Variants in SH3KBP1 observed in about 807,000 individuals in gnomAD.
SH3KBP1 encodes the protein SH3 domain-containing kinase-binding protein 1.
Under a neutral mutation model 50.1 loss-of-function variants are expected in SH3KBP1, and 8 were observed. The ratio of observed to expected loss-of-function variants is 0.16; its 90% CI spans 0.09 to 0.29. The LOEUF (loss-of-function observed/expected upper bound fraction) is 0.29. SH3KBP1 is among the 10% of genes least tolerant of loss of function. The pLI is 1.00. For missense variants in SH3KBP1, 377 were observed against 535.2 expected, an observed-to-expected ratio of 0.70 and a Z score of 2.92; for synonymous variants, 227 against 218.6, an observed-to-expected ratio of 1.04 and a Z score of -0.34.
intron 1 of SH3KBP1, among the ~76,000 whole-genome samples, chrX:19,856,951 C>CTTTTTTTTTTTTTTTTTTTTTT (rs758486199): frequency 5.0e-5 from 1 of 20,040 alleles, no homozygotes; most frequent in African/African-American, 1.3e-4. Context: ...TAATACTAGT[C>CTTTTTTTTTTTTTTTTTTTTTT]TTTTTTTTTT....
intron 3 of SH3KBP1, among the ~76,000 whole-genome samples, chrX:19,723,948 C>T (rs1413091965): frequency 9.0e-6 from 1 of 111,441 alleles, no homozygotes; most frequent in Non-Finnish European, 1.9e-5. Flanking sequence ...CCCCACCAAA[C>T]AAACAGGTTA....
chrX:19,672,851 G>A (rs2062831218), intron 6 of SH3KBP1, among the ~76,000 whole-genome samples: 1 of 109,955 alleles, frequency 9.1e-6, no homozygotes, highest in Non-Finnish European at 1.9e-5. Flanking sequence ...GAGGTCAGGA[G>A]TTCAAGACCA....
At chrX:19,695,833 G>A in intron 4 of SH3KBP1, 92 bp from the exon 5 acceptor site, 2 of 868,277 alleles carry the variant, frequency 2.3e-6, no homozygotes, top group South Asian at 2.4e-5. Flanking sequence ...AGTGTAGCAT[G>A]CAGAGCCCAC....
In SH3KBP1 at chrX:19,810,763, A is replaced by T. The variant is rs372865637; in HGVS notation, c.162+25362T>A. ...ATAAAAGGATGAGTTAAATTGAATT[A>T]AAAAAAATCAGAGGCTAAAAAAGGA... On this transcript the variant is annotated intron_variant, in intron 2 of 17. Transcript: ENST00000397821. Among the ~76,000 whole-genome samples the T allele has an allele frequency of 8.0e-5, 9 of 111,910 alleles. No individual in the cohort carries two copies. The South Asian group carries it at 1.8e-3, about 23-fold the overall frequency.
chrX:19,844,098 A>G (rs2068299200), intron 1 of SH3KBP1, among the ~76,000 whole-genome samples: 1 of 111,687 alleles, frequency 9.0e-6, no homozygotes, highest in Non-Finnish European at 1.9e-5. Flanking sequence ...GATCTGTGGC[A>G]AGGGTGAGAC....
chrX:19,586,301 A>G (rs2066564157), intron 12 of SH3KBP1, among the ~76,000 whole-genome samples: 1 of 111,760 alleles, frequency 8.9e-6, no homozygotes, highest in Admixed American at 9.5e-5. Context: ...CTTCAATCAG[A>G]TTGTTAGAAA....
chrX:19,690,449 T>C lies in SH3KBP1; in HGVS notation c.520+5163A>G, dbSNP rs771786175. Among the ~76,000 whole-genome samples, 13 of 111,682 alleles carry C rather than the reference T, an allele frequency of 1.2e-4. No homozygotes were observed. The East Asian group carries it at 3.6e-3, about 31-fold the overall frequency. ...GGAATTAGGAAAATGAGAAATTCAA[T>C]AACAACAGAAAACTCATGGTTATTA... On this transcript the variant is annotated intron_variant, in intron 5 of 17. Coordinates refer to ENST00000397821, the MANE Select transcript of SH3KBP1 (RefSeq NM_031892.3).
intron 13 of SH3KBP1, among the ~76,000 whole-genome samples, chrX:19,559,397 G>A (rs1216719112): frequency 9.9e-6 from 1 of 100,741 alleles, no homozygotes; most frequent in African/African-American, 3.7e-5. Flanking sequence ...CACGATCTTG[G>A]CTCACTGCAA....
chrX:19,871,884 G>A (rs1306208738), intron 1 of SH3KBP1, among the ~76,000 whole-genome samples: 1 of 111,091 alleles, frequency 9.0e-6, no homozygotes, highest in African/African-American at 3.3e-5. Flanking sequence ...AAGTCACATG[G>A]ATGGCTCAGG....
intron 3 of SH3KBP1, among the ~76,000 whole-genome samples, chrX:19,708,484 C>T (rs937115386): frequency 9.0e-6 from 1 of 111,540 alleles, no homozygotes; most frequent in Admixed American, 9.5e-5. Context: ...CCAAGGAGGG[C>T]TTGGCTCTCC....
intron 17 of SH3KBP1, 123 bp from the exon 18 acceptor site, chrX:19,536,581 C>T: frequency 2.3e-6 from 1 of 430,999 alleles, no homozygotes; most frequent in Admixed American, 4.1e-5. Context: ...TTAAAGGTGA[C>T]ATGACATCTG....
intron 12 of SH3KBP1, among the ~76,000 whole-genome samples, chrX:19,584,235 T>A (rs1050806819): frequency 1.5e-4 from 14 of 91,567 alleles, no homozygotes; most frequent in South Asian, 8.6e-4. Flanking sequence ...TAAATATATA[T>A]AAATATATGT....
At chrX:19,556,807 A>G (rs2147731469) in intron 13 of SH3KBP1, among the ~76,000 whole-genome samples, 1 of 110,048 alleles carries the variant, frequency 9.1e-6, no homozygotes, top group Admixed American at 9.7e-5. Context: ...CCTCCCAATT[A>G]GCTAGCTACC....
intron 2 of SH3KBP1, among the ~76,000 whole-genome samples, chrX:19,776,199 A>G (rs1263194294): frequency 1.8e-5 from 2 of 111,703 alleles, no homozygotes; most frequent in Non-Finnish European, 3.8e-5. Flanking sequence ...GTCAATGTCC[A>G]CGCTTCCACA....
chrX:19,768,327 A>G (rs1409106155), intron 2 of SH3KBP1, among the ~76,000 whole-genome samples: 1 of 106,553 alleles, frequency 9.4e-6, no homozygotes, highest in Non-Finnish European at 1.9e-5. Context: ...AAGGGGGAAA[A>G]AAAGCACACA....
At chrX:19,584,271 A>G (rs1350660691) in intron 12 of SH3KBP1, among the ~76,000 whole-genome samples, 1 of 52,297 alleles carries the variant, frequency 1.9e-5, no homozygotes, top group Non-Finnish European at 3.0e-5. Context: ...ATACATATTT[A>G]TATATATATA....
intron 7 of SH3KBP1, among the ~76,000 whole-genome samples, chrX:19,642,503 G>A (rs967616550): frequency 6.2e-5 from 7 of 112,105 alleles, no homozygotes; most frequent in African/African-American, 2.3e-4. Context: ...ATCTGCCCTT[G>A]TACAAATTCT....
chrX:19,771,271 T>C (rs1437641303), intron 2 of SH3KBP1, among the ~76,000 whole-genome samples: 1 of 112,657 alleles, frequency 8.9e-6, no homozygotes, highest in African/African-American at 3.2e-5. Context: ...TTTTTCTTTA[T>C]AAGAAAATTA....
chrX:19,646,992 G>C (rs1001804990), intron 6 of SH3KBP1, among the ~76,000 whole-genome samples: 38 of 112,361 alleles, frequency 3.4e-4, no homozygotes, highest in African/African-American at 1.2e-3. Context: ...GGTCAAATTT[G>C]ATGAAAAACT....
Sources: gnomAD v4.1 joint callset for allele counts (sites outside exome capture counted in the v4.1 genomes callset) on GRCh38, gnomAD v4.1.1 for gene constraint, MANE v1.5 for transcripts, NCBI Gene and HGNC (gene_info 2026-07-23, HGNC 2026-07-21) for gene names.